The following CYP2F1 variants were observed in gnomAD, a reference collection of about 807,000 sequenced individuals.
The protein encoded by CYP2F1 is cytochrome P450 family 2 subfamily F member 1, also known as cytochrome P450 2F1.
In CYP2F1, 33 loss-of-function variants were observed where a neutral mutation model predicts 40.4. That is an observed-to-expected ratio of 0.82 (90% CI 0.62 to 1.09). The LOEUF (loss-of-function observed/expected upper bound fraction) is 1.09. Ranked by LOEUF, CYP2F1 falls within the 50% of genes least tolerant of loss-of-function variation. The pLI, the probability that CYP2F1 is intolerant of heterozygous loss-of-function variation, is 0.00. For synonymous variants in CYP2F1, 235 were observed against 277.2 expected, an observed-to-expected ratio of 0.85 and a Z score of 1.51; for missense variants, 566 against 655.7, an observed-to-expected ratio of 0.86 and a Z score of 1.49.
rs749467843 is a variant in CYP2F1, at chr19:41,124,722, G to A, written c.968G>A (p.Arg323His). Residue 323 changes from arginine (R) to histidine (H), a missense_variant, in exon 8 of 10, where the codon CGC (arginine) becomes CAC (histidine). Arg to His is a conservative substitution (Grantham distance 29). Transcript: ENST00000331105. The stretch of plus-strand genomic sequence containing the variant: ...CCGCTTCCCGCTTCCTCTCCAGCCC[G>A]CGTGCAGGAGGAGATCGACCTCGTG... ...ALMKYPKVQARVQEEIDLVVG... is the reference protein window; with the variant it reads ...ALMKYPKVQAHVQEEIDLVVG... 1.2e-5 allele frequency: 19 copies of A among 1,600,394 alleles called. No individual in the cohort carries two copies. Among genetic ancestry groups the A allele is most frequent in the East Asian group, 8.9e-5 (4 of 44,794 alleles).
At chr19:41,115,532 G>T (rs2031738797) in intron 1 of CYP2F1, among the ~76,000 whole-genome samples, 1 of 144,270 alleles carries the variant, frequency 6.9e-6, no homozygotes, top group Non-Finnish European at 1.6e-5. Flanking sequence ...TTGACAGACA[G>T]GTGATGATAG....
chr19:41,115,633 G>A (rs566538379), intron 1 of CYP2F1, among the ~76,000 whole-genome samples: 1 of 152,190 alleles, frequency 6.6e-6, no homozygotes, highest in African/African-American at 2.4e-5. Context: ...ATAGATAATA[G>A]ACAGATCAAT....
chr19:41,123,641 C>G lies in CYP2F1; in HGVS notation c.964+678C>G, dbSNP rs561577073. On this transcript the variant is annotated intron_variant, in intron 7 of 9. Transcript: ENST00000331105. Reference sequence around the variant, plus strand: ...AGCAATCTCCCCACCTCCGCCTTATCAATAGCTGGGAGTACAGGCGTGCAC... The same window carrying G: ...AGCAATCTCCCCACCTCCGCCTTATGAATAGCTGGGAGTACAGGCGTGCAC... Among the ~76,000 whole-genome samples the G allele has an allele frequency of 1.2e-4, 18 of 152,270 alleles. No individual in the cohort carries two copies. In the East Asian group the frequency reaches 3.5e-3, roughly 29 times the overall value.
intron 3 of CYP2F1, among the ~76,000 whole-genome samples, chr19:41,119,536 C>T (rs1325013621): frequency 6.6e-6 from 1 of 151,650 alleles, no homozygotes; most frequent in African/African-American, 2.4e-5. Flanking sequence ...ATCACGAGGT[C>T]AGGAGATCGA....
rs1354298472 is a variant in CYP2F1, at chr19:41,119,744, T to TACAC, written c.335-602_335-601insCACA. Among the ~76,000 whole-genome samples the TACAC allele has an allele frequency of 9.6e-3, 613 of 63,828 alleles. 6 individuals carry two copies. The highest frequency in any genetic ancestry group is 0.013 in the South Asian group (17 of 1,284). 41.9% of individuals were successfully genotyped at this position (63,828 alleles called of 152,430 possible). On this transcript the variant is annotated intron_variant, in intron 3 of 9. Transcript: ENST00000331105. Reference sequence around the variant, plus strand: ...CTCTCTATATATATATATATATATATATATACACACACACACACACACACA... The same window carrying TACAC: ...CTCTCTATATATATATATATATATATACACATATACACACACACACACACACACA...
rs144137084 is a variant in CYP2F1 at position 41,122,904 on chromosome 19, C to T, written c.905C>T (p.Thr302Met). ...AACCTGCTCTTTGGCGGCACCAAGACGGTGAGCACCACGCTGCACCACGCC... is the reference window on the plus strand; with the variant it reads ...AACCTGCTCTTTGGCGGCACCAAGATGGTGAGCACCACGCTGCACCACGCC... ...THNLLFGGTKTVSTTLHHAFL... is the reference protein window; with the variant it reads ...THNLLFGGTKMVSTTLHHAFL... Residue 302 changes from threonine to methionine, a missense_variant, in exon 7 of 10, where the codon ACG (threonine) becomes ATG (methionine). Around this residue, in one of 5 missense-constraint regions of CYP2F1, gnomAD observed 128 missense variants for 121.0 expected, o/e 1.06. Coordinates refer to ENST00000331105, the MANE Select transcript of CYP2F1 (RefSeq NM_000774.5). 16 of 1,608,554 alleles carry T rather than the reference C, an allele frequency of 9.9e-6. No individual in the cohort carries two copies. The African/African-American group carries it at 1.2e-4, about 12-fold the overall frequency.
At chr19:41,115,676 T>C (rs975052746) in intron 1 of CYP2F1, among the ~76,000 whole-genome samples, 1 of 151,652 alleles carries the variant, frequency 6.6e-6, no homozygotes, top group African/African-American at 2.4e-5. Flanking sequence ...AGATGATGGA[T>C]AGACAGATGA....
In CYP2F1 at chr19:41,124,778, G is replaced by A. The variant is rs1209121694; in HGVS notation, c.1024G>A (p.Asp342Asn). Residue 342 changes from aspartate to asparagine, a missense_variant, in exon 8 of 10, where the codon GAC becomes AAC. Physicochemically the swap from Asp to Asn is conservative, Grantham distance 23. This residue lies in a region of CYP2F1 where 128 missense variants were observed against 121.0 expected (regional missense o/e 1.06). Transcript: ENST00000331105. ...VGRARLPALK[D>N]RAAMPYTDAV... ...ACGCGCGCGGCTGCCGGCGCTGAAG[G>A]ACCGCGCGGCCATGCCTTACACAGA... The A allele has an allele frequency of 1.9e-6, 3 of 1,609,398 alleles. No homozygotes were observed. Among genetic ancestry groups the A allele is most frequent in the Admixed American group, 3.3e-5 (2 of 59,898 alleles).
intron 3 of CYP2F1, among the ~76,000 whole-genome samples, chr19:41,118,280 AGGAG>A (rs1388404949): frequency 6.6e-6 from 1 of 151,986 alleles, no homozygotes; most frequent in Non-Finnish European, 1.5e-5. Context: ...AAGGAAAGGA[AGGAG>A]GGAGGGAGGG....
At chr19:41,122,264 G>T (rs2032262798) in intron 6 of CYP2F1, 131 bp downstream of exon 6, 1 of 870,346 alleles carries the variant, frequency 1.1e-6, no homozygotes, top group African/African-American at 1.7e-5. Context: ...GAAGCATCTG[G>T]CCCAGCTGGG....
rs776783483 is a variant in CYP2F1, at chr19:41,116,487, G to A, written c.204G>A (p.Val68=). 2 of 1,613,820 alleles carry A rather than the reference G, an allele frequency of 1.2e-6. No homozygotes were observed. Among genetic ancestry groups the A allele is most frequent in the South Asian group, 1.1e-5 (1 of 91,066 alleles). The change falls in exon 3 of 10, where the codon GTG becomes GTA. Residue 68 remains valine (V), a synonymous_variant. Coordinates refer to ENST00000331105, the MANE Select transcript of CYP2F1 (RefSeq NM_000774.5). The stretch of plus-strand genomic sequence containing the variant: ...AGGAGTATGGCTCCATGTACACAGT[G>A]CACCTGGGACCCAGGCGGGTGGTGG... ...LSKEYGSMYT[V]HLGPRRVVVL... is the part of the protein sequence containing the mutation.
rs199974498 is a variant in CYP2F1, at chr19:41,124,826, C to T, written c.1072C>T (p.Arg358Cys). Residue 358 changes from arginine (R) to cysteine (C), a missense_variant, in exon 8 of 10, where the codon CGC becomes TGC. Transcript: ENST00000331105. ...AGACGCGGTGATCCACGAGGTGCAG[C>T]GCTTTGCAGACATCATCCCCATGAA... ...YTDAVIHEVQ[R>C]FADIIPMNLP... is the part of the protein sequence containing the mutation. 1 of 1,611,558 alleles carries T rather than the reference C, an allele frequency of 6.2e-7. No individual in the cohort carries two copies. The highest frequency in any genetic ancestry group is 1.3e-5 in the African/African-American group (1 of 74,892).
At chr19:41,124,603 C>G (rs2144760483) in intron 7 of CYP2F1, 116 bp from the exon 8 acceptor site, 2 of 979,586 alleles carry the variant, frequency 2.0e-6, no homozygotes, top group East Asian at 5.3e-5. Context: ...CAGTGGCGCC[C>G]CGCGCTGGGA....
At chr19:41,118,133 C>G (rs1313929510) in intron 3 of CYP2F1, among the ~76,000 whole-genome samples, 1 of 152,080 alleles carries the variant, frequency 6.6e-6, no homozygotes, top group African/African-American at 2.4e-5. Flanking sequence ...CAGGTGTGAG[C>G]CACTGCACCC....
At chr19:41,120,916 G>T (rs1457290933) in intron 4 of CYP2F1, among the ~76,000 whole-genome samples, 1 of 151,824 alleles carries the variant, frequency 6.6e-6, no homozygotes, top group East Asian at 1.9e-4. Context: ...CGCCTCCTGA[G>T]TTCAAGCGAT....
At position 41,128,228 on chromosome 19, in the gene CYP2F1, C is replaced by T. The variant is rs998667657; in HGVS notation, c.*146C>T. On this transcript the variant is annotated 3_prime_UTR_variant, in exon 10 of 10. Coordinates refer to ENST00000331105, the MANE Select transcript of CYP2F1 (RefSeq NM_000774.5). ...TGCTGTGCCTGCCGCGTGCCCTTCC[C>T]CCATCCCTCCAATCTGTGCCCCGTC... 1.7e-5 allele frequency: 12 copies of T among 714,306 alleles called. No homozygotes were observed. In the African/African-American group the frequency reaches 2.4e-4, roughly 14 times the overall value. 44.2% of individuals were successfully genotyped at this position (714,306 alleles called of 1,614,324 possible).
intron 3 of CYP2F1, among the ~76,000 whole-genome samples, chr19:41,119,723 C>CTCTCTCTA (rs1478574507): frequency 7.0e-4 from 25 of 35,772 alleles, no homozygotes; most frequent in African/African-American, 8.0e-4. Context: ...CTCTCTCTCT[C>CTCTCTCTA]TATATATATA....
chr19:41,119,748 T>TATATATACACACAC (rs1337166345), intron 3 of CYP2F1, among the ~76,000 whole-genome samples: 13 of 36,098 alleles, frequency 3.6e-4, no homozygotes, highest in Non-Finnish European at 3.9e-4. Flanking sequence ...TATATATATA[T>TATATATACACACAC]ACACACACAC....
At chr19:41,125,756 C>T (rs754369444) in intron 9 of CYP2F1, 122 bp downstream of exon 9, 2 of 1,608,276 alleles carry the variant, frequency 1.2e-6, no homozygotes, top group Non-Finnish European at 1.7e-6. Flanking sequence ...TGCACAGAGA[C>T]ATTCATTCCT....
Sources: allele counts gnomAD v4.1 joint callset (sites outside exome capture counted in the v4.1 genomes callset), GRCh38; gene constraint gnomAD v4.1.1; regional missense constraint gnomAD v4.1.1; transcripts MANE v1.5; gene names NCBI Gene and HGNC (gene_info 2026-07-23, HGNC 2026-07-21).